Variants in TCF25 observed in about 807,000 individuals in gnomAD.
TCF25 encodes the protein ribosome quality control complex subunit TCF25.
Under a neutral mutation model 83.1 loss-of-function variants are expected in TCF25, and 41 were observed. That is an observed-to-expected ratio of 0.49 (90% CI 0.38 to 0.64). The LOEUF is 0.64. TCF25 is among the 30% of genes least tolerant of loss of function. The pLI is 0.00. For synonymous variants in TCF25, 458 were observed against 365.0 expected, an observed-to-expected ratio of 1.25 and a Z score of -2.90; for missense variants, 979 against 914.5, an observed-to-expected ratio of 1.07 and a Z score of -0.91.
chr16:89,909,033 T>A, intron 16 of TCF25: 1 of 1,289,512 alleles, frequency 7.8e-7, no homozygotes, highest in Non-Finnish European at 1.0e-6. Flanking sequence ...GCCACGTTCT[T>A]TCCCATCTCC....
chr16:89,877,208 G>A (rs1004804911), intron 1 of TCF25, among the ~76,000 whole-genome samples: 3 of 152,046 alleles, frequency 2.0e-5, no homozygotes, highest in African/African-American at 7.2e-5. Flanking sequence ...GTGTGTGTGT[G>A]TTTTGGTTTT....
chr16:89,881,957 G>A (rs535432090), intron 1 of TCF25, among the ~76,000 whole-genome samples: 2 of 152,080 alleles, frequency 1.3e-5, no homozygotes, highest in Admixed American at 6.5e-5. Flanking sequence ...ATTTCACCAT[G>A]TTGGTCAGGC....
chr16:89,878,433 CATTTTT>C, intron 1 of TCF25: 1 of 862,018 alleles, frequency 1.2e-6, no homozygotes, highest in Non-Finnish European at 1.6e-6. Context: ...TAAAAATCAC[CATTTTT>C]TTTTTTTTTT....
At chr16:89,878,710 A>C in intron 1 of TCF25, 29 of 960,110 alleles carry the variant, frequency 3.0e-5, no homozygotes, top group Non-Finnish European at 3.3e-5. Flanking sequence ...GCACCATCTC[A>C]GCTCACTGCA....
Position 89,883,580 on chromosome 16 carries a change from C to G in TCF25, c.354+68C>G, listed in dbSNP as rs1032892778. 1.1e-5 allele frequency: 17 copies of G among 1,480,634 alleles called. No homozygotes were observed. The African/African-American group carries it at 1.8e-4, about 16-fold the overall frequency. 91.7% of individuals were successfully genotyped at this position (1,480,634 alleles called of 1,614,324 possible). On this transcript the variant is annotated intron_variant, in intron 2 of 17. Transcript: ENST00000263346. ...TTCCAAGGCACCCAGCCACGTGTAT[C>G]CTGTGCTGTGATTTTCCTTGGAGGT...
intron 14 of TCF25, 161 bp from the exon 15 acceptor site, chr16:89,906,033 C>T (rs2044747942): frequency 6.1e-6 from 4 of 657,364 alleles, no homozygotes; most frequent in South Asian, 1.8e-5. Context: ...AGGGACCAGC[C>T]ATGGTGCCTC....
At position 89,898,404 on chromosome 16, in the gene TCF25, A is replaced by ACCGGGGCG. The variant is rs1567723427; in HGVS notation, c.1023-152_1023-151insCGGGGCGC. ...AGTGTGTGGGGTGGAGCGGGTGTTG[A>ACCGGGGCG]CTGGGGCGCTGAGCAGTGTGTGGGG... is the stretch of plus-strand genomic sequence containing the variant. On this transcript the variant is annotated intron_variant, in intron 9 of 17. Transcript: ENST00000263346. Among the ~76,000 whole-genome samples the ACCGGGGCG allele has an allele frequency of 1.2e-3, 122 of 102,654 alleles. 2 individuals carry two copies. The highest frequency in any genetic ancestry group is 6.5e-3 in the African/African-American group (115 of 17,648). The allele number at this position is 102,654 out of a possible 152,430, so 67.3% of individuals were successfully genotyped here. A position where few individuals can be genotyped will look rare whatever the true frequency, so the allele number is the denominator to read the frequency against.
In TCF25 at chr16:89,885,956, G is replaced by C; in HGVS notation, c.538G>C (p.Val180Leu). 6.2e-7 allele frequency: 1 copy of C among 1,613,910 alleles called. No individual in the cohort carries two copies. ...PLSSRKHVLY[V>L]EHRHLNPDTE... is the part of the protein sequence containing the mutation. ...GAGCTCCAGGAAGCACGTTCTCTAC[G>C]TGGAGCACAGGTGTGGCCCCCGCCC... is the stretch of plus-strand genomic sequence containing the variant. Residue 180 changes from valine to leucine, a missense_variant, in exon 4 of 18, where the codon GTG (valine) becomes CTG (leucine). Val to Leu is a conservative substitution (Grantham distance 32). Coordinates refer to ENST00000263346, the MANE Select transcript of TCF25 (RefSeq NM_014972.3).
intron 4 of TCF25, among the ~76,000 whole-genome samples, chr16:89,886,577 A>T (rs2043034518): frequency 6.6e-6 from 1 of 152,140 alleles, no homozygotes; most frequent in Non-Finnish European, 1.5e-5. Context: ...AGCCTGACCA[A>T]GATGGAGAAA....
chr16:89,898,713 G>C, intron 10 of TCF25, 54 bp from the exon 11 acceptor site: 4 of 1,612,678 alleles, frequency 2.5e-6, no homozygotes, highest in Non-Finnish European at 3.4e-6. Context: ...CCCACTCTCA[G>C]CCTGACGATG....
At chr16:89,906,941 G>A (rs961958014) in intron 15 of TCF25, among the ~76,000 whole-genome samples, 1 of 152,120 alleles carries the variant, frequency 6.6e-6, no homozygotes, top group African/African-American at 2.4e-5. Flanking sequence ...ACGTGGTGAA[G>A]ATGTTGGCAG....
intron 1 of TCF25, among the ~76,000 whole-genome samples, chr16:89,876,612 G>A (rs561193825): frequency 1.3e-5 from 2 of 152,050 alleles, no homozygotes; most frequent in African/African-American, 4.8e-5. Context: ...CCAACATGGT[G>A]AAACCCCATC....
rs1567723985 is a variant in TCF25, at chr16:89,898,619, C to T, written c.1085C>T (p.Thr362Met). ...CTGGAGAAGCGAGGCTGCCCGCGCA[C>T]GGCGCTGGAGTACTGCAAGCTCATC... ...SFLEKRGCPRTALEYCKLILS... is the reference protein window; with the variant it reads ...SFLEKRGCPRMALEYCKLILS... The change falls in exon 10 of 18, where the codon ACG becomes ATG. Residue 362 changes from threonine (T) to methionine (M), a missense_variant. Coordinates refer to ENST00000263346, the MANE Select transcript of TCF25 (RefSeq NM_014972.3). 8 of 1,612,994 alleles carry T rather than the reference C, an allele frequency of 5.0e-6. No homozygotes were observed. The highest frequency in any genetic ancestry group is 1.3e-5 in the African/African-American group (1 of 75,054).
At chr16:89,895,682 C>G (rs1458686449) in intron 8 of TCF25, among the ~76,000 whole-genome samples, 1 of 152,262 alleles carries the variant, frequency 6.6e-6, no homozygotes, top group African/African-American at 2.4e-5. Context: ...CTTACGTCAG[C>G]ATGCACACGC....
chr16:89,875,911 A>G (rs909994834), intron 1 of TCF25, among the ~76,000 whole-genome samples: 11 of 137,698 alleles, frequency 8.0e-5, no homozygotes, highest in South Asian at 2.3e-4. Flanking sequence ...TCCTGGGTTC[A>G]GGTTATCCTC....
intron 12 of TCF25, among the ~76,000 whole-genome samples, chr16:89,903,654 A>G (rs1359247381): frequency 6.6e-6 from 1 of 151,274 alleles, no homozygotes; most frequent in Non-Finnish European, 1.5e-5. Flanking sequence ...AAACATACAA[A>G]AATTAACCGG....
rs1307732962 is a variant in TCF25, at chr16:89,910,244, G to C, written c.1800-347G>C. On this transcript the variant is annotated intron_variant, in intron 16 of 17. Coordinates refer to ENST00000263346, the MANE Select transcript of TCF25 (RefSeq NM_014972.3). ...AAGCTTCTGCCTTTGCGTAAGGAGTGGGTGCTGAAGGAGACGTTGAAACTG... is the reference window on the plus strand; with the variant it reads ...AAGCTTCTGCCTTTGCGTAAGGAGTCGGTGCTGAAGGAGACGTTGAAACTG... The C allele has an allele frequency of 9.1e-6, 3 of 329,078 alleles. No individual in the cohort carries two copies. In the East Asian group the frequency reaches 2.1e-4, roughly 23 times the overall value. 20.4% of individuals were successfully genotyped at this position (329,078 alleles called of 1,614,324 possible). A position where few individuals can be genotyped will look rare whatever the true frequency, so the allele number is the denominator to read the frequency against.
At chr16:89,908,057 C>T (rs1271894534) in intron 16 of TCF25, among the ~76,000 whole-genome samples, 5 of 138,228 alleles carry the variant, frequency 3.6e-5, no homozygotes, top group East Asian at 4.7e-4. Context: ...TCCCAGCTCC[C>T]GCCTCCCACC....
intron 5 of TCF25, among the ~76,000 whole-genome samples, chr16:89,891,934 T>G (rs545662406): frequency 6.6e-6 from 1 of 152,258 alleles, no homozygotes; most frequent in Admixed American, 6.5e-5. Flanking sequence ...CCTCTCAAAG[T>G]GCTGGGATTA....
Sources: allele counts gnomAD v4.1 joint callset (sites outside exome capture counted in the v4.1 genomes callset), GRCh38; gene constraint gnomAD v4.1.1; transcripts MANE v1.5; gene names NCBI Gene and HGNC (gene_info 2026-07-23, HGNC 2026-07-21).